CSMD1: variants seen among roughly 807,000 people sequenced by gnomAD.
CSMD1 encodes the protein CUB and sushi domain-containing protein 1.
Under a neutral mutation model 417.5 loss-of-function variants are expected in CSMD1, and 213 were observed. The observed-to-expected ratio is 0.51, with a 90% CI of 0.46 to 0.57. CSMD1 has a LOEUF of 0.57. CSMD1 is among the 20% of genes least tolerant of loss of function. CSMD1 has a pLI of 0.00. For synonymous variants in CSMD1, 2,862 were observed against 1,736.8 expected (o/e 1.65, Z -16.11); for missense variants, 6,923 against 4,529.7 (o/e 1.53, Z -15.17).
intron 5 of CSMD1, among the ~76,000 whole-genome samples, chr8:3,967,630 C>T (rs972008510): frequency 3.3e-5 from 5 of 152,130 alleles, no homozygotes; most frequent in African/African-American, 1.2e-4. Context: ...GTGCATTACT[C>T]ACATTTCCCC....
chr8:3,929,218 T>C (rs946234640), intron 5 of CSMD1, among the ~76,000 whole-genome samples: 1 of 150,360 alleles, frequency 6.7e-6, no homozygotes. Context: ...TGGTTTCTCT[T>C]ACATAAAGGA....
At chr8:4,144,585 G>C (rs1433543083) in intron 3 of CSMD1, among the ~76,000 whole-genome samples, 1 of 150,944 alleles carries the variant, frequency 6.6e-6, no homozygotes, top group East Asian at 1.9e-4. Flanking sequence ...CTCAGCTACT[G>C]TTAAGTCATA....
At chr8:3,718,416 C>T (rs972916456) in intron 6 of CSMD1, among the ~76,000 whole-genome samples, 2 of 152,068 alleles carry the variant, frequency 1.3e-5, no homozygotes, top group African/African-American at 2.4e-5. Flanking sequence ...AGTGTCCTTT[C>T]CTTGGTCAGG....
At chr8:3,942,321 T>C (rs568283903) in intron 5 of CSMD1, among the ~76,000 whole-genome samples, 9 of 152,106 alleles carry the variant, frequency 5.9e-5, no homozygotes, top group African/African-American at 1.7e-4. Context: ...AGTGGAAAAA[T>C]TGTCTTCCAA....
intron 1 of CSMD1, among the ~76,000 whole-genome samples, chr8:4,989,133 A>G (rs117480296): frequency 0.033 from 5,018 of 152,352 alleles, 96 homozygotes; most frequent in Middle Eastern, 0.12. Flanking sequence ...ATGGACAACT[A>G]GTTTGCTAAG....
chr8:3,660,194 T>C (rs2624110), intron 7 of CSMD1, among the ~76,000 whole-genome samples: 9,584 of 152,268 alleles, frequency 0.063, 481 homozygotes, highest in African/African-American at 0.14. Flanking sequence ...AGAGTGTGGG[T>C]TTGGGAGCCC....
At chr8:3,876,394 G>A (rs1035496957) in intron 5 of CSMD1, among the ~76,000 whole-genome samples, 1 of 152,108 alleles carries the variant, frequency 6.6e-6, no homozygotes, top group Non-Finnish European at 1.5e-5. Flanking sequence ...AAACTTTCCT[G>A]TATTTCTAAA....
At chr8:4,763,624 C>T (rs1812263037) in intron 1 of CSMD1, among the ~76,000 whole-genome samples, 1 of 151,982 alleles carries the variant, frequency 6.6e-6, no homozygotes, top group South Asian at 2.1e-4. Context: ...CCTCATTTTA[C>T]CAATTATACT....
At chr8:4,937,987 T>A (rs1284742594) in intron 1 of CSMD1, among the ~76,000 whole-genome samples, 1 of 152,216 alleles carries the variant, frequency 6.6e-6, no homozygotes, top group African/African-American at 2.4e-5. Context: ...TTATTGGCCT[T>A]TGTGACTCAT....
intron 3 of CSMD1, among the ~76,000 whole-genome samples, chr8:4,289,807 C>T (rs74750730): frequency 2.0e-5 from 3 of 152,206 alleles, no homozygotes; most frequent in African/African-American, 7.2e-5. Flanking sequence ...CCTTTGTCTG[C>T]CATGTGTTCA....
intron 7 of CSMD1, among the ~76,000 whole-genome samples, chr8:3,677,468 C>T (rs894715981): frequency 1.3e-5 from 2 of 152,184 alleles, no homozygotes; most frequent in African/African-American, 2.4e-5. Flanking sequence ...TGGGTGAATG[C>T]ACAGATCTGA....
At chr8:3,608,096 T>C (rs1022704988) in intron 8 of CSMD1, among the ~76,000 whole-genome samples, 2 of 146,428 alleles carry the variant, frequency 1.4e-5, no homozygotes, top group Admixed American at 7.1e-5. Flanking sequence ...TGTTTGAACC[T>C]GGGAGGTGGA....
intron 20 of CSMD1, among the ~76,000 whole-genome samples, chr8:3,363,166 G>A (rs17065931): frequency 1.3e-5 from 2 of 151,936 alleles, no homozygotes; most frequent in African/African-American, 4.8e-5. Flanking sequence ...AAATTAGCTG[G>A]CCTGTCCATT....
At chr8:4,895,276 G>A (rs919747728) in intron 1 of CSMD1, among the ~76,000 whole-genome samples, 1 of 152,098 alleles carries the variant, frequency 6.6e-6, no homozygotes, top group Non-Finnish European at 1.5e-5. Flanking sequence ...GGTGTGTTAC[G>A]ATTATGAAAA....
chr8:4,094,604 G>C (rs540679943), intron 3 of CSMD1, among the ~76,000 whole-genome samples: 2 of 151,278 alleles, frequency 1.3e-5, no homozygotes, highest in Non-Finnish European at 3.0e-5. Flanking sequence ...GCTTGTGTAG[G>C]TCAGAGGAGA....
chr8:4,063,467 C>G (rs980271484), intron 3 of CSMD1, among the ~76,000 whole-genome samples: 3 of 151,930 alleles, frequency 2.0e-5, no homozygotes, highest in African/African-American at 7.3e-5. Flanking sequence ...TGGCATATAC[C>G]ATGTCTTATA....
At chr8:4,801,119 G>T (rs1338201198) in intron 1 of CSMD1, among the ~76,000 whole-genome samples, 1 of 152,090 alleles carries the variant, frequency 6.6e-6, no homozygotes, top group East Asian at 1.9e-4. Context: ...AAGAAAAATT[G>T]GTGTCATTTT....
chr8:4,231,592 G>A (rs577837486), intron 3 of CSMD1, among the ~76,000 whole-genome samples: 2 of 152,144 alleles, frequency 1.3e-5, no homozygotes, highest in East Asian at 1.9e-4. Context: ...TTATAAATCT[G>A]CATACAATCC....
At chr8:4,052,869 T>C (rs1254229627) in intron 3 of CSMD1, among the ~76,000 whole-genome samples, 5 of 152,078 alleles carry the variant, frequency 3.3e-5, no homozygotes, top group African/African-American at 1.2e-4. Flanking sequence ...ACCACAATGA[T>C]TCCAATGCAG....
Sources: gnomAD v4.1 joint callset for allele counts (sites outside exome capture counted in the v4.1 genomes callset) on GRCh38, gnomAD v4.1.1 for gene constraint, MANE v1.5 for transcripts, NCBI Gene and HGNC (gene_info 2026-07-23, HGNC 2026-07-21) for gene names.